Variants in PCDH15 observed in about 807,000 individuals in gnomAD.
PCDH15 encodes the protein protocadherin-15.
In PCDH15, 129 loss-of-function variants were observed where a neutral mutation model predicts 178.5. The ratio of observed to expected loss-of-function variants is 0.72; its 90% CI spans 0.63 to 0.84. The LOEUF (loss-of-function observed/expected upper bound fraction) is 0.84. Among genes scored for constraint, PCDH15 ranks in the 40% least tolerant of loss-of-function variants. The pLI, the probability that PCDH15 is intolerant of heterozygous loss-of-function variation, is 0.00. For synonymous variants in PCDH15, 800 were observed against 732.0 expected, an observed-to-expected ratio of 1.09 and a Z score of -1.50; for missense variants, 2,230 against 2,099.9, an observed-to-expected ratio of 1.06 and a Z score of -1.21.
At chr10:54,601,033 A>C (rs958633955) in intron 2 of PCDH15, among the ~76,000 whole-genome samples, 15 of 152,128 alleles carry the variant, frequency 9.9e-5, no homozygotes, top group African/African-American at 3.4e-4. Context: ...ATATATGAAT[A>C]ATTATGTTTA....
chr10:54,506,233 A>C (rs2081152279), intron 3 of PCDH15, among the ~76,000 whole-genome samples: 1 of 152,054 alleles, frequency 6.6e-6, no homozygotes. Context: ...ACTCCAACAC[A>C]CTGATTTTTT....
At chr10:54,861,925 T>C (rs572914024) in intron 3 of PCDH15, among the ~76,000 whole-genome samples, 1 of 152,316 alleles carries the variant, frequency 6.6e-6, no homozygotes, top group Non-Finnish European at 1.5e-5. Flanking sequence ...TGCATAGAGC[T>C]GCTAGGTAAA....
intron 2 of PCDH15, among the ~76,000 whole-genome samples, chr10:54,566,673 C>T (rs1277290807): frequency 6.6e-6 from 1 of 152,080 alleles, no homozygotes; most frequent in Non-Finnish European, 1.5e-5. Flanking sequence ...CTTGATAGTA[C>T]ACTTACTTTT....
chr10:54,637,535 C>T (rs1471084557), intron 2 of PCDH15, among the ~76,000 whole-genome samples: 2 of 152,040 alleles, frequency 1.3e-5, no homozygotes, highest in African/African-American at 2.4e-5. Context: ...ACTCACAACA[C>T]GCACTTATTC....
At chr10:55,528,808 T>C (rs1192663892) in intron 2 of PCDH15, among the ~76,000 whole-genome samples, 1 of 152,130 alleles carries the variant, frequency 6.6e-6, no homozygotes, top group Non-Finnish European at 1.5e-5. Flanking sequence ...CCACACTGAC[T>C]TCCACAATGG....
rs79953407 is a variant in PCDH15, at chr10:55,280,256, G to A, written c.-156+39343C>T. Among the ~76,000 whole-genome samples the A allele has an allele frequency of 2.7e-5, 4 of 148,698 alleles. No individual in the cohort carries two copies. The South Asian group carries it at 8.5e-4, about 32-fold the overall frequency. ...AAAAGCTGTGCTATGGAAAGGATGG[G>A]GTTATTTTGATTCTTTTTTTTTTTT... On this transcript the variant is annotated intron_variant, in intron 1 of 5. Coordinates refer to the PCDH15 transcript ENST00000458638.
At chr10:55,606,951 T>G (rs747063542) in intron 2 of PCDH15, among the ~76,000 whole-genome samples, 1 of 148,374 alleles carries the variant, frequency 6.7e-6, no homozygotes, top group Non-Finnish European at 1.5e-5. Flanking sequence ...ACCATCAGAG[T>G]GAACAGGCAA....
intron 2 of PCDH15, among the ~76,000 whole-genome samples, chr10:55,423,031 A>C (rs1387748643): frequency 6.6e-6 from 1 of 151,968 alleles, no homozygotes; most frequent in African/African-American, 2.4e-5. Context: ...AATAAGGACT[A>C]TAGAAGTTAT....
chr10:55,452,531 A>G (rs2132082526), intron 2 of PCDH15, among the ~76,000 whole-genome samples: 1 of 152,318 alleles, frequency 6.6e-6, no homozygotes, highest in South Asian at 2.1e-4. Context: ...AGAAATAGTG[A>G]ATAATTCATT....
intron 2 of PCDH15, among the ~76,000 whole-genome samples, chr10:55,442,333 G>A (rs895526886): frequency 1.3e-5 from 2 of 149,124 alleles, no homozygotes; most frequent in Admixed American, 1.3e-4. Flanking sequence ...TCAGCGATGA[G>A]AATTAGAAGA....
intron 1 of PCDH15, among the ~76,000 whole-genome samples, chr10:55,218,235 A>C (rs1291202788): frequency 1.3e-5 from 2 of 152,014 alleles, no homozygotes; most frequent in Non-Finnish European, 2.9e-5. Flanking sequence ...TTTCCAGTAC[A>C]ATCTTAACAA....
chr10:54,634,672 T>C (rs936998322), intron 2 of PCDH15, among the ~76,000 whole-genome samples: 7 of 152,034 alleles, frequency 4.6e-5, no homozygotes, highest in Non-Finnish European at 1.0e-4. Flanking sequence ...GTTTATAAGT[T>C]TGGTGATAAC....
At chr10:53,925,767 T>C (rs1230180527) in intron 25 of PCDH15, among the ~76,000 whole-genome samples, 1 of 152,216 alleles carries the variant, frequency 6.6e-6, no homozygotes. Context: ...TGTGTTCAGA[T>C]GTGTGCAAAT....
In PCDH15 at chr10:54,225,749, A is replaced by G. The variant is rs111676473; in HGVS notation, c.985+11074T>C. On this transcript the variant is annotated intron_variant, in intron 9 of 37. Coordinates refer to ENST00000644397, the MANE Select transcript of PCDH15 (RefSeq NM_001384140.1). ...CATATAGTGAAATGCACAGATCTTA[A>G]GCTTTAACGTTTTAGGGGCATAGAC... Among the ~76,000 whole-genome samples, 545 of 152,254 alleles carry G rather than the reference A, an allele frequency of 3.6e-3. 3 individuals carry two copies. Among genetic ancestry groups the G allele is most frequent in the African/African-American group, 0.012 (488 of 41,518 alleles).
chr10:55,213,538 A>T (rs576473401), intron 1 of PCDH15, among the ~76,000 whole-genome samples: 48 of 151,812 alleles, frequency 3.2e-4, no homozygotes, highest in Admixed American at 6.6e-4. Flanking sequence ...TATAAGTTAA[A>T]TTTTTTACAT....
At chr10:54,724,051 G>A (rs113693371) in intron 1 of PCDH15, among the ~76,000 whole-genome samples, 112 of 151,736 alleles carry the variant, frequency 7.4e-4, no homozygotes, top group African/African-American at 2.4e-3. Flanking sequence ...TCTACACAAA[G>A]GTAAAGAAAT....
At chr10:53,902,818 A>T (rs1425371353) in intron 26 of PCDH15, among the ~76,000 whole-genome samples, 1 of 152,016 alleles carries the variant, frequency 6.6e-6, no homozygotes, top group Non-Finnish European at 1.5e-5. Flanking sequence ...TTTTACTTTC[A>T]TTCAATCAGC....
At chr10:55,359,594 A>T (rs1416732014) in intron 2 of PCDH15, among the ~76,000 whole-genome samples, 1 of 151,800 alleles carries the variant, frequency 6.6e-6, no homozygotes, top group Non-Finnish European at 1.5e-5. Flanking sequence ...ATAAATTTAA[A>T]GGAAATGAAA....
At chr10:53,957,503 G>GTTTTTTT (rs55738634) in intron 23 of PCDH15, among the ~76,000 whole-genome samples, 8,320 of 140,484 alleles carry the variant, frequency 0.059, 368 homozygotes, top group African/African-American at 0.071. Flanking sequence ...TATTTACTAT[G>GTTTTTTT]TTTTTTTTTT....
Sources: allele counts gnomAD v4.1 joint callset (sites outside exome capture counted in the v4.1 genomes callset), GRCh38; gene constraint gnomAD v4.1.1; transcripts MANE v1.5; gene names NCBI Gene and HGNC (gene_info 2026-07-23, HGNC 2026-07-21).